Variants in EXOC6B observed in about 807,000 individuals in gnomAD.
EXOC6B encodes SEC15 homolog B.
A neutral mutation model predicts 113.5 loss-of-function variants in EXOC6B; 54 were observed. That is an observed-to-expected ratio of 0.48 (90% CI 0.38 to 0.60). The LOEUF (loss-of-function observed/expected upper bound fraction) is 0.60, where lower values mean the gene tolerates loss of function less well. EXOC6B is among the 20% of genes least tolerant of loss of function. The pLI is 0.00. For missense variants in EXOC6B, 797 were observed against 977.5 expected (o/e 0.82, Z 2.46); for synonymous variants, 357 against 339.0 (o/e 1.05, Z -0.58).
chr2:72,520,964 A>G (rs995338879), intron 8 of EXOC6B, among the ~76,000 whole-genome samples: 2 of 152,180 alleles, frequency 1.3e-5, no homozygotes, highest in African/African-American at 4.8e-5. Context: ...CTGAGAGCTT[A>G]AAATGGAAAC....
chr2:72,662,091 C>T (rs1471643550), intron 6 of EXOC6B, among the ~76,000 whole-genome samples: 99 of 86,008 alleles, frequency 1.2e-3, no homozygotes, highest in Admixed American at 3.9e-3. Flanking sequence ...GGGGGAGGGA[C>T]GGGGGAGGGA....
intron 12 of EXOC6B, among the ~76,000 whole-genome samples, 194 bp from the exon 13 acceptor site, chr2:72,498,745 T>C (rs1700173128): frequency 6.6e-6 from 1 of 151,934 alleles, no homozygotes; most frequent in Non-Finnish European, 1.5e-5. Flanking sequence ...AAAAATTAAA[T>C]AATACCTAGC....
chr2:72,335,545 AT>A (rs1688643955), intron 19 of EXOC6B, among the ~76,000 whole-genome samples: 1 of 124,946 alleles, frequency 8.0e-6, no homozygotes, highest in Non-Finnish European at 1.6e-5. Flanking sequence ...TGACTGCATT[AT>A]TGCACACACA....
intron 7 of EXOC6B, among the ~76,000 whole-genome samples, chr2:72,569,798 A>G (rs79546140): frequency 0.016 from 2,467 of 152,278 alleles, 65 homozygotes; most frequent in African/African-American, 0.056. Context: ...ATATTTTGAA[A>G]TTTGGGTCAA....
chr2:72,293,312 G>T (rs1405585947), intron 20 of EXOC6B, among the ~76,000 whole-genome samples: 1 of 151,888 alleles, frequency 6.6e-6, no homozygotes, highest in African/African-American at 2.4e-5. Context: ...ATAGTAGAAT[G>T]ATATACTACA....
chr2:72,613,679 C>G (rs1329622807), intron 6 of EXOC6B, among the ~76,000 whole-genome samples: 1 of 150,466 alleles, frequency 6.6e-6, no homozygotes, highest in African/African-American at 2.4e-5. Context: ...CTTCCCACTG[C>G]AAAATACACA....
intron 19 of EXOC6B, among the ~76,000 whole-genome samples, chr2:72,355,024 T>A (rs1001387679): frequency 6.6e-6 from 1 of 152,198 alleles, no homozygotes; most frequent in Non-Finnish European, 1.5e-5. Context: ...AGCTTTTACA[T>A]AAATTGACTG....
At chr2:72,616,988 G>A (rs528920592) in intron 6 of EXOC6B, among the ~76,000 whole-genome samples, 54 of 152,278 alleles carry the variant, frequency 3.5e-4, no homozygotes, top group Non-Finnish European at 7.3e-4. Flanking sequence ...GGGGATACAG[G>A]CATTGGGTGA....
chr2:72,779,017 A>T (rs537454134), intron 1 of EXOC6B, among the ~76,000 whole-genome samples: 24 of 152,236 alleles, frequency 1.6e-4, no homozygotes, highest in African/African-American at 5.3e-4. Context: ...TAAATATTAC[A>T]GTATTTATAA....
At chr2:72,427,662 G>A (rs1204109801) in intron 18 of EXOC6B, among the ~76,000 whole-genome samples, 2 of 152,146 alleles carry the variant, frequency 1.3e-5, no homozygotes, top group African/African-American at 4.8e-5. Flanking sequence ...CCCTTGGCGT[G>A]AGCAGCCTGA....
chr2:72,385,022 T>C (rs539153667), intron 18 of EXOC6B, among the ~76,000 whole-genome samples: 19 of 152,236 alleles, frequency 1.2e-4, no homozygotes, highest in African/African-American at 4.3e-4. Context: ...CTAAAGTTCG[T>C]ATGGAACCAC....
intron 20 of EXOC6B, among the ~76,000 whole-genome samples, chr2:72,296,238 T>C (rs1289147755): frequency 6.6e-6 from 1 of 152,164 alleles, no homozygotes; most frequent in Non-Finnish European, 1.5e-5. Flanking sequence ...TAATGTGATA[T>C]AGTATGACCT....
At position 72,178,693 on chromosome 2, in the gene EXOC6B, A is replaced by C. The variant is rs1483648862; in HGVS notation, c.*642T>G. ...TCTACTTAGCTGTATCCTGCCCTAG[A>C]AAAAATTGCAATAAAAGCCTGGGGT... On this transcript the variant is annotated 3_prime_UTR_variant, in exon 22 of 22. Transcript: ENST00000272427. 1 of 152,172 alleles carries C rather than the reference A, an allele frequency of 6.6e-6. No individual in the cohort carries two copies. The highest frequency in any genetic ancestry group is 1.9e-4 in the East Asian group (1 of 5,180). 9.4% of individuals were successfully genotyped at this position (152,172 alleles called of 1,614,324 possible). A position where few individuals can be genotyped will look rare whatever the true frequency, so the allele number is the denominator to read the frequency against.
intron 6 of EXOC6B, among the ~76,000 whole-genome samples, chr2:72,620,768 T>C (rs1558852026): frequency 6.6e-6 from 1 of 151,708 alleles, no homozygotes. Flanking sequence ...TTGACAAATG[T>C]CTAAAATCCA....
chr2:72,423,425 A>T (rs1695026789), intron 18 of EXOC6B, among the ~76,000 whole-genome samples: 1 of 152,190 alleles, frequency 6.6e-6, no homozygotes, highest in Non-Finnish European at 1.5e-5. Context: ...CATATATAAG[A>T]TTTTATATAT....
intron 20 of EXOC6B, among the ~76,000 whole-genome samples, chr2:72,289,655 G>A (rs545887264): frequency 6.6e-6 from 1 of 152,148 alleles, no homozygotes; most frequent in East Asian, 1.9e-4. Flanking sequence ...AGAATGCCCA[G>A]ATATTTTGTC....
At chr2:72,730,621 C>T (rs189800522) in intron 5 of EXOC6B, among the ~76,000 whole-genome samples, 4 of 145,884 alleles carry the variant, frequency 2.7e-5, no homozygotes, top group African/African-American at 7.4e-5. Context: ...CACACACACA[C>T]GCTATTGGTT....
intron 2 of EXOC6B, among the ~76,000 whole-genome samples, chr2:72,739,084 G>A (rs896042217): frequency 3.9e-5 from 6 of 152,110 alleles, no homozygotes; most frequent in African/African-American, 1.4e-4. Context: ...ACTTTCCCAT[G>A]TCAAATATCC....
intron 8 of EXOC6B, among the ~76,000 whole-genome samples, chr2:72,525,097 G>A (rs1033542248): frequency 2.0e-5 from 3 of 152,152 alleles, no homozygotes; most frequent in African/African-American, 4.8e-5. Flanking sequence ...TCCGGGGACC[G>A]ACAGAGTCTG....
Sources: allele counts gnomAD v4.1 joint callset (sites outside exome capture counted in the v4.1 genomes callset), GRCh38; gene constraint gnomAD v4.1.1; transcripts MANE v1.5; gene names NCBI Gene and HGNC (gene_info 2026-07-23, HGNC 2026-07-21).